SLC6A9: variants seen among roughly 807,000 people sequenced by gnomAD.
SLC6A9 encodes sodium- and chloride-dependent glycine transporter 1.
In SLC6A9, 31 loss-of-function variants were observed where a neutral mutation model predicts 70.9. The observed-to-expected ratio is 0.44, with a 90% confidence interval of 0.33 to 0.59. The LOEUF is 0.59. Among genes scored for constraint, SLC6A9 ranks in the 20% least tolerant of loss-of-function variants. SLC6A9 has a pLI of 0.04. For missense variants in SLC6A9, 631 were observed against 845.2 expected, an observed-to-expected ratio of 0.75 and a Z score of 3.14; for synonymous variants, 310 against 341.3, an observed-to-expected ratio of 0.91 and a Z score of 1.01.
chr1:44,015,899 A>G (rs184807292), intron 2 of SLC6A9: 1 of 985,104 alleles, frequency 1.0e-6, no homozygotes, highest in African/African-American at 1.7e-5. Context: ...GTGGCCATTC[A>G]TGCCTCCTGC....
Position 44,018,049 on chromosome 1 carries a change from G to C in SLC6A9, c.30+6199C>G, listed in dbSNP as rs903042643. Among the ~76,000 whole-genome samples the C allele has an allele frequency of 5.9e-5, 9 of 152,188 alleles. No homozygotes were observed. The highest frequency in any genetic ancestry group is 2.0e-4 in the Admixed American group (3 of 15,274). ...CACACACACTGGCCAGTCTCCTGCT[G>C]ACCCCAAGATACCTCAGACCAGTGG... On this transcript the variant is annotated intron_variant, in intron 2 of 13. Transcript: ENST00000372310. This position sits in a 1 kb window ranked among gnomAD's most constrained non-coding sequence, Gnocchi z 4.2.
At chr1:44,000,679 G>T in intron 12 of SLC6A9, 88 bp downstream of exon 12, 1 of 846,362 alleles carries the variant, frequency 1.2e-6, no homozygotes, top group Non-Finnish European at 1.9e-6. Flanking sequence ...AGGTGCGGGA[G>T]CTCCCACTGT....
At chr1:44,015,481 T>C (rs1372697784) in intron 2 of SLC6A9, among the ~76,000 whole-genome samples, 1 of 152,236 alleles carries the variant, frequency 6.6e-6, no homozygotes, top group Non-Finnish European at 1.5e-5. Context: ...TGAAGTCCCA[T>C]CCAAGACAAA....
chr1:44,020,103 C>G (rs1262048560), intron 2 of SLC6A9, among the ~76,000 whole-genome samples: 1 of 152,230 alleles, frequency 6.6e-6, no homozygotes, highest in Non-Finnish European at 1.5e-5. Context: ...TTAGGCTGTC[C>G]TGGCTAGAAG....
rs1023412834 is a variant in SLC6A9 at position 44,017,116 on chromosome 1, C to T, written c.31-6234G>A. 2.9e-5 allele frequency: 47 copies of T among 1,606,178 alleles called. No homozygotes were observed. Among genetic ancestry groups the T allele is most frequent in the Non-Finnish European group, 3.6e-5 (42 of 1,177,154 alleles). On this transcript the variant is annotated intron_variant, in intron 2 of 13. Transcript: ENST00000372310. ...TCCTGGGGCGAGCGATCGCAGCCCG[C>T]GTGTCTCCGCCGCTCATTCACACCT...
At chr1:44,014,014 G>T (rs1171564098) in intron 2 of SLC6A9, among the ~76,000 whole-genome samples, 1 of 152,018 alleles carries the variant, frequency 6.6e-6, no homozygotes, top group African/African-American at 2.4e-5. Flanking sequence ...AGGTACCCAC[G>T]GAAAAATCCC....
At chr1:43,998,326 T>G (rs930558089) in intron 12 of SLC6A9, among the ~76,000 whole-genome samples, 1 of 152,154 alleles carries the variant, frequency 6.6e-6, no homozygotes, top group Admixed American at 6.5e-5. Context: ...TCGCTATGGC[T>G]CCCCATGGCT....
chr1:44,021,804 G>C (rs1047665884), intron 2 of SLC6A9, among the ~76,000 whole-genome samples: 4 of 152,236 alleles, frequency 2.6e-5, no homozygotes, highest in Non-Finnish European at 5.9e-5. Flanking sequence ...TAGAAGAGAC[G>C]GGGCTCAGCA....
At chr1:44,015,670 G>C (rs1332059982) in intron 2 of SLC6A9, among the ~76,000 whole-genome samples, 3 of 152,200 alleles carry the variant, frequency 2.0e-5, no homozygotes, top group Non-Finnish European at 4.4e-5. Flanking sequence ...CTCAGTTTTT[G>C]TTCTCTCCTA....
At chr1:44,027,675 T>G (rs1448550607) in intron 1 of SLC6A9, among the ~76,000 whole-genome samples, 1 of 152,132 alleles carries the variant, frequency 6.6e-6, no homozygotes, top group Non-Finnish European at 1.5e-5. Flanking sequence ...TGACTAAAAT[T>G]TAAAGAATTA....
intron 1 of SLC6A9, among the ~76,000 whole-genome samples, chr1:44,024,997 C>G (rs539827476): frequency 4.6e-5 from 7 of 152,350 alleles, no homozygotes; most frequent in Admixed American, 4.6e-4. Context: ...CTGACCCTCT[C>G]TCTCAAAAGA....
In SLC6A9 at chr1:44,013,121, C is replaced by A. The variant is rs2086629062; in HGVS notation, c.31-2239G>T. 1.3e-5 allele frequency among the ~76,000 whole-genome samples: 2 copies of A among 152,216 alleles called. No homozygotes were observed. The highest frequency in any genetic ancestry group is 4.8e-5 in the African/African-American group (2 of 41,464). ...ACAGTACACGGATGGGGTCACAGAG[C>A]AGCAGTTACAGCTGTAAAAGGGACA... On this transcript the variant is annotated intron_variant, in intron 2 of 13. Transcript: ENST00000372310. This position sits in a 1 kb window ranked among gnomAD's most constrained non-coding sequence, Gnocchi z 5.3.
Position 43,997,417 on chromosome 1 carries a change from C to A in SLC6A9, c.*128G>T. Reference sequence around the variant, plus strand: ...TGAATGACTGCACTAGCAGTGGTGACCAAGGTGACAGCAGCCGTCCTGGCC... The same window carrying A: ...TGAATGACTGCACTAGCAGTGGTGAACAAGGTGACAGCAGCCGTCCTGGCC... On this transcript the variant is annotated 3_prime_UTR_variant, in exon 14 of 14. Transcript: ENST00000372310. This position sits in a 1 kb window ranked among gnomAD's most constrained non-coding sequence, Gnocchi z 4.4. 1 of 780,142 alleles carries A rather than the reference C, an allele frequency of 1.3e-6. No individual in the cohort carries two copies. Among genetic ancestry groups the A allele is most frequent in the East Asian group, 2.4e-5 (1 of 40,902 alleles). 48.3% of individuals were successfully genotyped at this position (780,142 alleles called of 1,614,324 possible).
intron 4 of SLC6A9, among the ~76,000 whole-genome samples, chr1:44,009,623 G>GGTTGTA (rs2086471892): frequency 6.6e-6 from 1 of 152,264 alleles, no homozygotes; most frequent in Admixed American, 6.5e-5. Context: ...ACAGGCGTGA[G>GGTTGTA]CCACTGTGCC....
At chr1:44,020,798 T>C (rs892394124) in intron 2 of SLC6A9, among the ~76,000 whole-genome samples, 1 of 152,102 alleles carries the variant, frequency 6.6e-6, no homozygotes, top group African/African-American at 2.4e-5. Flanking sequence ...GAAAAACATA[T>C]GAGAACGCGT....
intron 2 of SLC6A9, 59 bp from the exon 3 acceptor site, chr1:44,010,941 T>C: frequency 6.4e-7 from 1 of 1,573,532 alleles, no homozygotes; most frequent in Non-Finnish European, 8.7e-7. Context: ...TGCCTGACCC[T>C]CTGGGCCTCC....
chr1:44,017,470 TC>T, intron 2 of SLC6A9: 4 of 728,006 alleles, frequency 5.5e-6, no homozygotes, highest in Non-Finnish European at 7.3e-6. Context: ...CCAGACGCTG[TC>T]TGAGCCCACA....
rs755908740 is a variant in SLC6A9, at chr1:44,002,414, C to T, written c.861G>A (p.Val287=). The change falls in exon 8 of 14, where the codon GTG becomes GTA. Residue 287 remains valine, a splice_region_variant and synonymous_variant. Transcript: ENST00000372310. This position sits in a 1 kb window ranked among gnomAD's most constrained non-coding sequence, Gnocchi z 5.5. ...AGATCTGGGAGGCAGCATCACCCCACACCTGCAGGGAAGGACCGGTGGGTG... is the reference window on the plus strand; with the variant it reads ...AGATCTGGGAGGCAGCATCACCCCATACCTGCAGGGAAGGACCGGTGGGTG... ...PQWDKILEAK[V]WGDAASQIFY... is the part of the protein sequence containing the mutation. The T allele has an allele frequency of 2.5e-6, 4 of 1,614,086 alleles. No homozygotes were observed. The highest frequency in any genetic ancestry group is 3.4e-6 in the Non-Finnish European group (4 of 1,179,944).
intron 2 of SLC6A9, among the ~76,000 whole-genome samples, chr1:44,021,938 G>A (rs1245189394): frequency 1.3e-5 from 2 of 152,256 alleles, no homozygotes; most frequent in Admixed American, 6.5e-5. Context: ...CAGCAGAACT[G>A]AAAAGGAAGC....
Sources: gnomAD v4.1 joint callset for allele counts (sites outside exome capture counted in the v4.1 genomes callset) on GRCh38, gnomAD v4.1.1 for gene constraint, Gnocchi (gnomAD v3.1) non-coding constraint, MANE v1.5 for transcripts, NCBI Gene and HGNC (gene_info 2026-07-23, HGNC 2026-07-21) for gene names.